Variants in CMIP observed in about 807,000 individuals in gnomAD.
The protein encoded by CMIP is c-Maf inducing protein.
Under a neutral mutation model 97.3 loss-of-function variants are expected in CMIP, and 13 were observed. The observed-to-expected ratio is 0.13, with a 90% CI of 0.09 to 0.21. The LOEUF (loss-of-function observed/expected upper bound fraction) is 0.21. CMIP is among the 10% of genes least tolerant of loss of function. The pLI is 1.00. For synonymous variants in CMIP, 538 were observed against 436.3 expected (o/e 1.23, Z -2.91); for missense variants, 847 against 1,024.9 (o/e 0.83, Z 2.37).
At chr16:81,702,491 C>A in intron 16 of CMIP, 131 bp from the exon 17 acceptor site, 3 of 940,260 alleles carry the variant, frequency 3.2e-6, no homozygotes, top group Non-Finnish European at 3.3e-6. Flanking sequence ...CCCCTGAGAC[C>A]AAGACCACCG....
At chr16:81,488,169 T>G (rs2089349018) in intron 1 of CMIP, among the ~76,000 whole-genome samples, 3 of 152,166 alleles carry the variant, frequency 2.0e-5, no homozygotes. Flanking sequence ...TTGTTATTAT[T>G]GTTATGGTTC....
intron 1 of CMIP, among the ~76,000 whole-genome samples, chr16:81,533,063 TGATCATTCCATCCATCCAAAAAGTTGGC>T (rs993235736): frequency 8.5e-5 from 13 of 152,194 alleles, no homozygotes; most frequent in African/African-American, 3.1e-4. Context: ...GGGCTGTCCT[TGATCATTCCATCCATCCAAAAAGTTGGC>T]ACCCACTCCC....
At chr16:81,458,472 T>C (rs1906697901) in intron 1 of CMIP, among the ~76,000 whole-genome samples, 1 of 152,126 alleles carries the variant, frequency 6.6e-6, no homozygotes. Flanking sequence ...GAGGAGGGGA[T>C]CCCGGCTGAT....
chr16:81,602,624 G>T (rs1400286797), intron 1 of CMIP, among the ~76,000 whole-genome samples: 2 of 152,188 alleles, frequency 1.3e-5, no homozygotes, highest in African/African-American at 4.8e-5. Flanking sequence ...TGTGATTTCA[G>T]CCCCTGTAGT....
chr16:81,469,903 C>G (rs1907421428), intron 1 of CMIP, among the ~76,000 whole-genome samples: 1 of 152,182 alleles, frequency 6.6e-6, no homozygotes, highest in Admixed American at 6.5e-5. Flanking sequence ...GGAGGGCCTT[C>G]TTTGGGGTCC....
chr16:81,677,116 G>A (rs186054050), intron 9 of CMIP, among the ~76,000 whole-genome samples: 1 of 152,174 alleles, frequency 6.6e-6, no homozygotes, highest in African/African-American at 2.4e-5. Context: ...CCCGCCAGGG[G>A]TGGAGAGCTT....
At chr16:81,550,632 A>G (rs2090634126) in intron 1 of CMIP, among the ~76,000 whole-genome samples, 1 of 152,188 alleles carries the variant, frequency 6.6e-6, no homozygotes, top group Admixed American at 6.5e-5. Flanking sequence ...AGGAGGACCC[A>G]GTGGAGCTGT....
intron 3 of CMIP, among the ~76,000 whole-genome samples, chr16:81,650,700 A>C (rs2092418128): frequency 6.6e-6 from 1 of 152,064 alleles, no homozygotes. Context: ...CTCTTGGCTG[A>C]TTTATCTGGA....
intron 1 of CMIP, among the ~76,000 whole-genome samples, chr16:81,556,669 G>A (rs1381787980): frequency 6.6e-6 from 1 of 152,170 alleles, no homozygotes; most frequent in Non-Finnish European, 1.5e-5. Context: ...TCTGGAGGCC[G>A]ACAGTGGCGA....
chr16:81,497,890 C>A (rs985437162), intron 1 of CMIP, among the ~76,000 whole-genome samples: 1 of 152,260 alleles, frequency 6.6e-6, no homozygotes, highest in East Asian at 1.9e-4. Context: ...TGCAGGCCAC[C>A]ATGGCTGCTG....
At chr16:81,449,825 T>C (rs2150727826) in intron 1 of CMIP, among the ~76,000 whole-genome samples, 1 of 152,378 alleles carries the variant, frequency 6.6e-6, no homozygotes, top group East Asian at 1.9e-4. Flanking sequence ...AAACGTGGTC[T>C]GCCTTTCCCA....
In CMIP at chr16:81,696,627, G is replaced by A; in HGVS notation, c.1598G>A (p.Gly533Glu). ...TGGTTCCAGCTCTACAGCCCCGGAG[G>A]GGTGGCCTGCGACGATGACGGGGAG... ...DGWFQLYSPG[G>E]VACDDDGELF... The change falls in exon 14 of 21, where the codon GGG (glycine) becomes GAG (glutamate). Residue 533 changes from glycine to glutamate, a missense_variant. Gly to Glu is a moderately conservative substitution (Grantham distance 98). Transcript: ENST00000537098. 6.2e-7 allele frequency: 1 copy of A among 1,607,370 alleles called. No individual in the cohort carries two copies.
chr16:81,537,562 A>G (rs2090368441), intron 1 of CMIP, among the ~76,000 whole-genome samples: 5 of 148,938 alleles, frequency 3.4e-5, no homozygotes, highest in Admixed American at 3.3e-4. Flanking sequence ...AAAAAAAAAA[A>G]AAAAAAAAAG....
At chr16:81,497,192 G>C (rs1054974706) in intron 1 of CMIP, among the ~76,000 whole-genome samples, 2 of 152,200 alleles carry the variant, frequency 1.3e-5, no homozygotes, top group Non-Finnish European at 2.9e-5. Context: ...CAGTAGCTTG[G>C]GGCTCCCCTC....
intron 13 of CMIP, chr16:81,696,268 G>T (rs1357166948): frequency 2.0e-6 from 1 of 494,156 alleles, no homozygotes; most frequent in Non-Finnish European, 3.6e-6. Context: ...ACCTGCTGCA[G>T]CCACAGGCCC....
intron 1 of CMIP, among the ~76,000 whole-genome samples, chr16:81,450,577 T>C (rs558468873): frequency 6.6e-6 from 1 of 152,308 alleles, no homozygotes; most frequent in African/African-American, 2.4e-5. Context: ...TTCATGACTT[T>C]CTGCACAAAT....
At chr16:81,636,075 G>A (rs1388533984) in intron 3 of CMIP, among the ~76,000 whole-genome samples, 1 of 129,478 alleles carries the variant, frequency 7.7e-6, no homozygotes, top group East Asian at 2.3e-4. Flanking sequence ...CTGGTTGTGT[G>A]TTTGTGTGTG....
rs1904555917 is a variant in CMIP at position 81,678,731 on chromosome 16, G to C, written c.1388+103G>C. 3 of 615,992 alleles carry C rather than the reference G, an allele frequency of 4.9e-6. No homozygotes were observed. In the Admixed American group the frequency reaches 8.4e-5, roughly 17 times the overall value. 38.2% of individuals were successfully genotyped at this position (615,992 alleles called of 1,614,324 possible). On this transcript the variant is annotated intron_variant, in intron 10 of 20. Transcript: ENST00000537098. Reference sequence around the variant, plus strand: ...TGTTGGTTCGAGCTACGCAGGGCCGGGCATGGTAGAGTGGCTTGTGTGTGA... The same window carrying C: ...TGTTGGTTCGAGCTACGCAGGGCCGCGCATGGTAGAGTGGCTTGTGTGTGA...
In CMIP at chr16:81,527,109, G is replaced by T. The variant is rs56850891; in HGVS notation, c.301-80458G>T. On this transcript the variant is annotated intron_variant, in intron 1 of 20. Coordinates refer to ENST00000537098, the MANE Select transcript of CMIP (RefSeq NM_198390.3). ...GGACCTGAAAGGAATGTGTTTTCTT[G>T]GTTTTTGTCTGCTACAGAATTTCTC... Among the ~76,000 whole-genome samples the T allele has an allele frequency of 9.5e-3, 1,454 of 152,290 alleles. 21 individuals carry two copies. The highest frequency in any genetic ancestry group is 0.033 in the African/African-American group (1,365 of 41,556).
Sources: allele counts gnomAD v4.1 joint callset (sites outside exome capture counted in the v4.1 genomes callset), GRCh38; gene constraint gnomAD v4.1.1; transcripts MANE v1.5; gene names NCBI Gene and HGNC (gene_info 2026-07-23, HGNC 2026-07-21).